The following RGS7BP variants were observed in gnomAD, a reference collection of about 807,000 sequenced individuals.
RGS7BP encodes regulator of G protein signaling 7 binding protein, also known as regulator of G protein signaling 7-binding protein.
RGS7BP carries 9 observed loss-of-function variants against 31.3 expected under a neutral mutation model. That is an observed-to-expected ratio of 0.29 (90% CI 0.17 to 0.50). The LOEUF (loss-of-function observed/expected upper bound fraction) is 0.50. RGS7BP is among the 20% of genes least tolerant of loss of function. The pLI, the probability that RGS7BP is intolerant of heterozygous loss-of-function variation, is 0.98. For missense variants in RGS7BP, 274 were observed against 322.0 expected, an observed-to-expected ratio of 0.85 and a Z score of 1.14; for synonymous variants, 115 against 120.1, an observed-to-expected ratio of 0.96 and a Z score of 0.28.
chr5:64,586,613 T>C (rs555332263), intron 3 of RGS7BP, among the ~76,000 whole-genome samples: 1 of 152,366 alleles, frequency 6.6e-6, no homozygotes, highest in East Asian at 1.9e-4. Flanking sequence ...ATATGTTACA[T>C]TGAGAGGTGG....
intron 5 of RGS7BP, among the ~76,000 whole-genome samples, chr5:64,604,497 G>C (rs1743304821): frequency 6.6e-6 from 1 of 152,100 alleles, no homozygotes; most frequent in South Asian, 2.1e-4. Context: ...GTAGAGCCTT[G>C]GACTTAGCAG....
At position 64,609,950 on chromosome 5, in the gene RGS7BP, T is replaced by G. The variant is rs947004139; in HGVS notation, c.*698T>G. On this transcript the variant is annotated 3_prime_UTR_variant, in exon 6 of 6. Transcript: ENST00000334025. ...ATGCATATGGGCAACTAATTTCTTT[T>G]TGATCCAATGATGTCTTTTTCAGCT... is the stretch of plus-strand genomic sequence containing the variant. The G allele has an allele frequency of 1.3e-5, 2 of 152,444 alleles. No homozygotes were observed. The highest frequency in any genetic ancestry group is 6.6e-5 in the Admixed American group (1 of 15,228). The allele number at this position is 152,444 out of a possible 1,614,324, so 9.4% of individuals were successfully genotyped here. A position where few individuals can be genotyped will look rare whatever the true frequency, so the allele number is the denominator to read the frequency against.
intron 2 of RGS7BP, among the ~76,000 whole-genome samples, chr5:64,559,395 T>A (rs933287610): frequency 6.6e-5 from 10 of 152,202 alleles, no homozygotes; most frequent in African/African-American, 2.4e-4. Flanking sequence ...GCTCTATGGC[T>A]GTATGTTATA....
intron 2 of RGS7BP, among the ~76,000 whole-genome samples, chr5:64,564,160 A>G (rs1742116136): frequency 6.6e-6 from 1 of 152,196 alleles, no homozygotes; most frequent in African/African-American, 2.4e-5. Context: ...CATCTAGTCT[A>G]CAATGCTACC....
chr5:64,611,126 A>T lies in RGS7BP; in HGVS notation c.*1874A>T, dbSNP rs375381866. 1 of 151,954 alleles carries T rather than the reference A, an allele frequency of 6.6e-6. No individual in the cohort carries two copies. The highest frequency in any genetic ancestry group is 1.5e-5 in the Non-Finnish European group (1 of 67,910). 9.4% of individuals were successfully genotyped at this position (151,954 alleles called of 1,614,324 possible). ...TAAATACTCCCTGGAAAAGCAAGCA[A>T]TCCAGACTTATCTGGTCTGCAAACC... On this transcript the variant is annotated 3_prime_UTR_variant, in exon 6 of 6. Transcript: ENST00000334025.
intron 2 of RGS7BP, among the ~76,000 whole-genome samples, chr5:64,573,115 A>G (rs1742338335): frequency 6.6e-6 from 1 of 151,134 alleles, no homozygotes. Context: ...GATGATTTCC[A>G]ATTTCATCCA....
chr5:64,594,889 A>T (rs746911818), intron 4 of RGS7BP, 32 bp downstream of exon 4: 1 of 1,608,618 alleles, frequency 6.2e-7, no homozygotes, highest in Non-Finnish European at 8.5e-7. Context: ...ATAGACTGCC[A>T]ATCCTCCTCC....
chr5:64,607,331 G>C (rs983894966), intron 5 of RGS7BP, among the ~76,000 whole-genome samples: 3 of 152,080 alleles, frequency 2.0e-5, no homozygotes, highest in Admixed American at 2.0e-4. Flanking sequence ...ACATGCCCAT[G>C]ACACAGCCTC....
intron 4 of RGS7BP, among the ~76,000 whole-genome samples, chr5:64,597,760 T>G: frequency 6.6e-6 from 1 of 151,024 alleles, no homozygotes; most frequent in African/African-American, 2.4e-5. Context: ...GGTGGGAAGG[T>G]GTGGGGGGTG....
rs755161673 is a variant in RGS7BP at position 64,594,664 on chromosome 5, T to C, written c.464-46T>C. The C allele has an allele frequency of 1.8e-5, 29 of 1,604,736 alleles. No individual in the cohort carries two copies. In the South Asian group the frequency reaches 2.1e-4, roughly 12 times the overall value. On this transcript the variant is annotated intron_variant, in intron 3 of 5. Coordinates refer to ENST00000334025, the MANE Select transcript of RGS7BP (RefSeq NM_001029875.3). ...ATCCTGCATATAGAACCTGCCTTTA[T>C]GATTTCTTTTTCCTCTTCTCTTTAC...
In RGS7BP at chr5:64,525,244, T is replaced by C. The variant is rs79380068; in HGVS notation, c.332+17367T>C. On this transcript the variant is annotated intron_variant, in intron 2 of 5. Transcript: ENST00000334025. ...GTAGAGATAGGAACAGAGCAAGTGA[T>C]AAAGGAGGGAGGTGTTCTTAATGTA... Among the ~76,000 whole-genome samples, 46 of 152,144 alleles carry C rather than the reference T, an allele frequency of 3.0e-4. No individual in the cohort carries two copies. In the East Asian group the frequency reaches 6.8e-3, roughly 22 times the overall value.
At chr5:64,534,761 C>G (rs1196842188) in intron 2 of RGS7BP, among the ~76,000 whole-genome samples, 1 of 152,112 alleles carries the variant, frequency 6.6e-6, no homozygotes, top group Non-Finnish European at 1.5e-5. Flanking sequence ...AAATCTGGAG[C>G]TCAAAAGAAA....
intron 4 of RGS7BP, 30 bp from the exon 5 acceptor site, chr5:64,598,335 G>C (rs377268590): frequency 1.6e-6 from 2 of 1,276,382 alleles, no homozygotes; most frequent in Non-Finnish European, 2.3e-6. Flanking sequence ...ATTTACAGCT[G>C]ATTATTCTGT....
intron 2 of RGS7BP, among the ~76,000 whole-genome samples, chr5:64,517,032 A>G (rs531995195): frequency 1.0e-3 from 153 of 152,154 alleles, no homozygotes; most frequent in African/African-American, 3.4e-3. Context: ...AAAAAAAAAA[A>G]AAAGTCCTAG....
In RGS7BP at chr5:64,540,207, A is replaced by C. The variant is rs1033087793; in HGVS notation, c.332+32330A>C. ...AATGTGTTTATTGCAGAAAGTTTAGAAATTACAGGGAAAATGCAAAGAATA... is the reference window on the plus strand; with the variant it reads ...AATGTGTTTATTGCAGAAAGTTTAGCAATTACAGGGAAAATGCAAAGAATA... On this transcript the variant is annotated intron_variant, in intron 2 of 5. Coordinates refer to ENST00000334025, the MANE Select transcript of RGS7BP (RefSeq NM_001029875.3). Among the ~76,000 whole-genome samples, 4 of 152,304 alleles carry C rather than the reference A, an allele frequency of 2.6e-5. 1 individual carries two copies. In the South Asian group the frequency reaches 8.3e-4, roughly 32 times the overall value.
At chr5:64,572,045 A>T (rs1742311661) in intron 2 of RGS7BP, among the ~76,000 whole-genome samples, 1 of 152,168 alleles carries the variant, frequency 6.6e-6, no homozygotes, top group African/African-American at 2.4e-5. Context: ...GGTGACTCTC[A>T]TAGACCTAAA....
intron 2 of RGS7BP, among the ~76,000 whole-genome samples, chr5:64,513,552 T>C (rs1252284354): frequency 6.6e-6 from 1 of 152,178 alleles, no homozygotes; most frequent in Non-Finnish European, 1.5e-5. Context: ...AATTGCAGCT[T>C]AGTAATAGTC....
At chr5:64,602,015 A>G (rs1743231206) in intron 5 of RGS7BP, among the ~76,000 whole-genome samples, 1 of 152,202 alleles carries the variant, frequency 6.6e-6, no homozygotes. Flanking sequence ...GAAGTAGGTA[A>G]GTCAGGAATT....
At chr5:64,585,583 C>T (rs1742725438) in intron 3 of RGS7BP, among the ~76,000 whole-genome samples, 1 of 152,028 alleles carries the variant, frequency 6.6e-6, no homozygotes, top group Non-Finnish European at 1.5e-5. Flanking sequence ...GCCAAGGACT[C>T]CTAAAGCTGC....
Sources: gnomAD v4.1 joint callset for allele counts (sites outside exome capture counted in the v4.1 genomes callset) on GRCh38, gnomAD v4.1.1 for gene constraint, MANE v1.5 for transcripts, NCBI Gene and HGNC (gene_info 2026-07-23, HGNC 2026-07-21) for gene names.